The following LIX1L variants were observed in gnomAD, a reference collection of about 807,000 sequenced individuals.
LIX1L encodes LIX1-like protein.
LIX1L carries 20 observed loss-of-function variants against 34.0 expected under a neutral mutation model. The observed-to-expected ratio is 0.59, with a 90% confidence interval of 0.41 to 0.85. LIX1L has a LOEUF of 0.85. Among genes scored for constraint, LIX1L ranks in the 40% least tolerant of loss-of-function variants. LIX1L has a pLI of 0.00. For synonymous variants in LIX1L, 170 were observed against 187.4 expected (o/e 0.91, Z 0.76); for missense variants, 397 against 447.0 (o/e 0.89, Z 1.01).
chr1:145,942,681 ACT>A, intron 3 of LIX1L, 30 bp downstream of exon 3: 1 of 1,609,068 alleles, frequency 6.2e-7, no homozygotes, highest in Non-Finnish European at 8.5e-7. Context: ...CCCATCTCCC[ACT>A]CTCCTTCCTT....
At chr1:145,954,417 A>T (rs1553760161) in intron 1 of LIX1L, among the ~76,000 whole-genome samples, 1 of 152,194 alleles carries the variant, frequency 6.6e-6, no homozygotes, top group African/African-American at 2.4e-5. Context: ...AACCCATTTA[A>T]CTCCAGTCTT....
chr1:145,957,014 AG>A (rs1234133320), intron 1 of LIX1L, among the ~76,000 whole-genome samples: 2 of 152,228 alleles, frequency 1.3e-5, no homozygotes, highest in Non-Finnish European at 2.9e-5. Context: ...AAGATACCAA[AG>A]TAAGGTACTG....
chr1:145,936,826 T>C, intron 5 of LIX1L, 82 bp downstream of exon 5: 1 of 1,025,918 alleles, frequency 9.7e-7, no homozygotes, highest in Non-Finnish European at 1.5e-6. Context: ...ATAGACCTTA[T>C]TTCTAACATA....
At chr1:145,937,087 A>G in intron 4 of LIX1L, 102 bp from the exon 5 acceptor site, 2 of 703,454 alleles carry the variant, frequency 2.8e-6, no homozygotes, top group Admixed American at 3.9e-5. Context: ...TTGTAGAAGC[A>G]TCTCTCATCA....
At chr1:145,951,272 C>T (rs1042917546) in intron 1 of LIX1L, among the ~76,000 whole-genome samples, 4 of 152,168 alleles carry the variant, frequency 2.6e-5, no homozygotes, top group Admixed American at 2.0e-4. Flanking sequence ...GTCTCAAACT[C>T]CTGACCTTAG....
intron 3 of LIX1L, among the ~76,000 whole-genome samples, chr1:145,938,422 A>G (rs1648752955): frequency 6.6e-6 from 1 of 152,172 alleles, no homozygotes. Context: ...ATAGAAGTTA[A>G]GAGCATGGAC....
chr1:145,953,897 A>T (rs959566827), intron 1 of LIX1L, among the ~76,000 whole-genome samples: 7 of 152,172 alleles, frequency 4.6e-5, no homozygotes, highest in South Asian at 2.1e-4. Context: ...CTACAAAAAA[A>T]TTTTTTAAAA....
Position 145,934,939 on chromosome 1 carries a change from G to A in LIX1L, c.*1371C>T, listed in dbSNP as rs1648578471. The A allele has an allele frequency of 6.6e-6, 1 of 152,038 alleles. No individual in the cohort carries two copies. Among genetic ancestry groups the A allele is most frequent in the Non-Finnish European group, 1.5e-5 (1 of 68,064 alleles). 9.4% of individuals were successfully genotyped at this position (152,038 alleles called of 1,614,324 possible). A position where few individuals can be genotyped will look rare whatever the true frequency, so the allele number is the denominator to read the frequency against. ...CCCAGCACTTTGGGAGGCTGAGGCG[G>A]GTGGATTACCTTATGTCAGGAGTTC... On this transcript the variant is annotated 3_prime_UTR_variant, in exon 6 of 6. Transcript: ENST00000604000.
chr1:145,957,587 G>T (rs1553760531), intron 1 of LIX1L, 49 bp downstream of exon 1: 6 of 1,423,776 alleles, frequency 4.2e-6, no homozygotes, highest in African/African-American at 1.5e-5. Context: ...GTGGGAGCAA[G>T]GCTCCCTTAC....
chr1:145,940,840 C>T (rs1027885668), intron 3 of LIX1L, among the ~76,000 whole-genome samples: 2 of 151,512 alleles, frequency 1.3e-5, no homozygotes, highest in East Asian at 1.9e-4. Flanking sequence ...CATGAGCCAC[C>T]GTGCCTGGCC....
Position 145,940,374 on chromosome 1 carries a change from G to T in LIX1L, c.597+2339C>A, listed in dbSNP as rs190010917. On this transcript the variant is annotated intron_variant, in intron 3 of 5. Coordinates refer to ENST00000604000, the MANE Select transcript of LIX1L (RefSeq NM_153713.3). ...TATTTTTTTTTTTTTTTGAGACAGG[G>T]TGTCACTTTGTTGCCCAGGATGGCG... 2.6e-3 allele frequency among the ~76,000 whole-genome samples: 380 copies of T among 147,906 alleles called. 4 individuals carry two copies. The highest frequency in any genetic ancestry group is 7.9e-3 in the African/African-American group (316 of 40,156).
Position 145,933,790 on chromosome 1 carries a change from C to G in LIX1L, c.*2520G>C, listed in dbSNP as rs868952935. The G allele has an allele frequency of 6.6e-6, 1 of 151,960 alleles. No homozygotes were observed. The highest frequency in any genetic ancestry group is 1.5e-5 in the Non-Finnish European group (1 of 68,016). 9.4% of individuals were successfully genotyped at this position (151,960 alleles called of 1,614,324 possible). ...CAAACATGGGGCTTCTACCCCAGCT[C>G]TCTTCTGATTAGTAAGAAAAAAAAA... On this transcript the variant is annotated 3_prime_UTR_variant, in exon 6 of 6. Coordinates refer to ENST00000604000, the MANE Select transcript of LIX1L (RefSeq NM_153713.3).
In LIX1L at chr1:145,952,154, G is replaced by A. The variant is rs587685668; in HGVS notation, c.293-4372C>T. ...AGTTGGGGCATGAATCTAGATTTCC[G>A]GGGGCCAATATTCTTTCCAATTTGG... On this transcript the variant is annotated intron_variant, in intron 1 of 5. Coordinates refer to ENST00000604000, the MANE Select transcript of LIX1L (RefSeq NM_153713.3). Among the ~76,000 whole-genome samples, 7 of 152,280 alleles carry A rather than the reference G, an allele frequency of 4.6e-5. No homozygotes were observed. The East Asian group carries it at 1.2e-3, about 25-fold the overall frequency.
chr1:145,951,720 G>C (rs1649306174), intron 1 of LIX1L, among the ~76,000 whole-genome samples: 1 of 152,122 alleles, frequency 6.6e-6, no homozygotes, highest in Non-Finnish European at 1.5e-5. Context: ...TTCCCTCTTT[G>C]AGACAGTTTA....
chr1:145,939,063 A>G (rs1411376432), intron 3 of LIX1L, among the ~76,000 whole-genome samples: 2 of 151,266 alleles, frequency 1.3e-5, no homozygotes, highest in Non-Finnish European at 2.9e-5. Flanking sequence ...TGCAGCCTCA[A>G]TCTCCCCAGG....
rs892628597 is a variant in LIX1L, at chr1:145,936,097, G to A, written c.*213C>T. 1.8e-6 allele frequency: 1 copy of A among 559,434 alleles called. No homozygotes were observed. Among genetic ancestry groups the A allele is most frequent in the Non-Finnish European group, 3.1e-6 (1 of 324,578 alleles). 34.7% of individuals were successfully genotyped at this position (559,434 alleles called of 1,614,324 possible). ...GACAAGCTGCTCTTTGTTGTAAAGTGGACTGAAGATGTTTCAAATAAAACT... is the reference window on the plus strand; with the variant it reads ...GACAAGCTGCTCTTTGTTGTAAAGTAGACTGAAGATGTTTCAAATAAAACT... On this transcript the variant is annotated 3_prime_UTR_variant, in exon 6 of 6. Coordinates refer to ENST00000604000, the MANE Select transcript of LIX1L (RefSeq NM_153713.3).
At chr1:145,953,554 G>A (rs192625390) in intron 1 of LIX1L, among the ~76,000 whole-genome samples, 19 of 152,304 alleles carry the variant, frequency 1.2e-4, no homozygotes, top group Admixed American at 1.1e-3. Flanking sequence ...TTTGGAAGGA[G>A]AGACTGCAAA....
rs890354592 is a variant in LIX1L, at chr1:145,948,859, C to T, written c.293-1077G>A. 2.0e-5 allele frequency: 3 copies of T among 152,168 alleles called. No homozygotes were observed. The highest frequency in any genetic ancestry group is 2.9e-5 in the Non-Finnish European group (2 of 68,040). The allele number at this position is 152,168 out of a possible 1,614,324, so 9.4% of individuals were successfully genotyped here. On this transcript the variant is annotated intron_variant, in intron 1 of 5. Transcript: ENST00000604000. This position sits in a 1 kb window ranked among gnomAD's most constrained non-coding sequence, Gnocchi z 4.0. ...CAGATAAAGAACTTGCTTGCTTCAG[C>T]TTGTTGTAAAATGGCAAGTTCCCCA...
chr1:145,937,403 C>G, intron 4 of LIX1L: 1 of 418,658 alleles, frequency 2.4e-6, no homozygotes, highest in South Asian at 3.5e-5. Context: ...AAGTGATCCA[C>G]CCGCCTCAGC....
Sources: gnomAD v4.1 joint callset for allele counts (sites outside exome capture counted in the v4.1 genomes callset) on GRCh38, gnomAD v4.1.1 for gene constraint, Gnocchi (gnomAD v3.1) non-coding constraint, MANE v1.5 for transcripts, NCBI Gene and HGNC (gene_info 2026-07-23, HGNC 2026-07-21) for gene names.